MARCHF10: variants seen among roughly 807,000 people sequenced by gnomAD.
The protein encoded by MARCHF10 is probable E3 ubiquitin-protein ligase MARCHF10.
MARCHF10 carries 64 observed loss-of-function variants against 76.2 expected under a neutral mutation model. That is an observed-to-expected ratio of 0.84 (90% CI 0.69 to 1.03). The LOEUF is 1.03. Ranked by LOEUF, MARCHF10 falls within the 50% of genes least tolerant of loss-of-function variation. MARCHF10 has a pLI of 0.00. For synonymous variants in MARCHF10, 340 were observed against 357.5 expected, an observed-to-expected ratio of 0.95 and a Z score of 0.55; for missense variants, 875 against 958.0, an observed-to-expected ratio of 0.91 and a Z score of 1.14.
rs1279169870 is a variant in MARCHF10, at chr17:62,788,419, A to ACAC, written c.210+58_210+60dup. On this transcript the variant is annotated intron_variant, in intron 3 of 10. Coordinates refer to ENST00000311269, the MANE Select transcript of MARCHF10 (RefSeq NM_152598.4). Reference sequence around the variant, plus strand: ...TTTTTCCTACATCACACACACACACACACCACCACCACCAGCAGCAGCAGC... The same window carrying ACAC: ...TTTTTCCTACATCACACACACACACACACCACCACCACCACCAGCAGCAGCAGC... The ACAC allele has an allele frequency of 9.5e-6, 15 of 1,578,980 alleles. No homozygotes were observed. The East Asian group carries it at 1.4e-4, about 14-fold the overall frequency.
chr17:62,793,198 A>ACCACCACCACCACCACCACCTCCACTG (rs2092903816), intron 2 of MARCHF10, among the ~76,000 whole-genome samples: 1 of 84,424 alleles, frequency 1.2e-5, no homozygotes, highest in Non-Finnish European at 2.7e-5. Context: ...CACCTCCATC[A>ACCACCACCACCACCACCACCTCCACTG]CCACCACCAC....
At chr17:62,726,006 C>T (rs1413094789) in intron 6 of MARCHF10, 1 of 152,210 alleles carries the variant, frequency 6.6e-6, no homozygotes, top group Non-Finnish European at 1.5e-5. Flanking sequence ...GCACAGAGTT[C>T]ACTTAATAGA....
intron 3 of MARCHF10, among the ~76,000 whole-genome samples, chr17:62,779,642 A>G (rs752167166): frequency 6.6e-6 from 1 of 152,228 alleles, no homozygotes; most frequent in Non-Finnish European, 1.5e-5. Context: ...TATGCAAAGC[A>G]TTGTGCTATG....
intron 5 of MARCHF10, among the ~76,000 whole-genome samples, chr17:62,743,827 C>A (rs748120220): frequency 6.6e-6 from 1 of 152,102 alleles, no homozygotes; most frequent in Non-Finnish European, 1.5e-5. Flanking sequence ...AGCATAGATT[C>A]GTTCCAATAT....
At chr17:62,764,515 C>T (rs375093585) in intron 3 of MARCHF10, among the ~76,000 whole-genome samples, 6 of 152,098 alleles carry the variant, frequency 3.9e-5, no homozygotes, top group East Asian at 3.9e-4. Context: ...AACTTGGTCT[C>T]GTGAGATTAT....
In MARCHF10 at chr17:62,736,363, T is replaced by C; in HGVS notation, c.1505A>G (p.Glu502Gly). The change falls in exon 6 of 11, where the codon GAG becomes GGG. Residue 502 changes from glutamate (E) to glycine (G), a missense_variant. By Grantham distance (98) the Glu-to-Gly change is moderately conservative (BLOSUM62 -2). Coordinates refer to ENST00000311269, the MANE Select transcript of MARCHF10 (RefSeq NM_152598.4). ...GCAAACATGAAACCCTGAGTTTCCC[T>C]CTGAGTCTGAGCTGTGAACTGAAGT... Reference protein sequence around the residue: ...SSTSVHSSDSEGNSGFHVCQP... With the variant: ...SSTSVHSSDSGGNSGFHVCQP... 2.5e-6 allele frequency: 4 copies of C among 1,614,222 alleles called. No individual in the cohort carries two copies. The highest frequency in any genetic ancestry group is 3.4e-6 in the Non-Finnish European group (4 of 1,180,048).
intron 4 of MARCHF10, among the ~76,000 whole-genome samples, chr17:62,751,445 G>A (rs939844687): frequency 2.0e-5 from 3 of 152,076 alleles, no homozygotes; most frequent in Non-Finnish European, 4.4e-5. Flanking sequence ...TTGCTCAAGA[G>A]CCCCAGGTGT....
chr17:62,760,488 G>T (rs952935160), intron 3 of MARCHF10, among the ~76,000 whole-genome samples: 2 of 152,164 alleles, frequency 1.3e-5, no homozygotes, highest in Admixed American at 1.3e-4. Context: ...CTGCGTTACT[G>T]GGTGCAACAC....
rs190944327 is a variant in MARCHF10 at position 62,789,045 on chromosome 17, G to T, written c.91-446C>A. Among the ~76,000 whole-genome samples the T allele has an allele frequency of 2.9e-3, 415 of 142,782 alleles. 1 individual carries two copies. Among genetic ancestry groups the T allele is most frequent in the Middle Eastern group, 0.016 (4 of 252 alleles). 93.7% of individuals were successfully genotyped at this position (142,782 alleles called of 152,430 possible). ...GCCACTGCAGTCCGCAGTCCGGCCT[G>T]GGCGACAGAGCGAGACTCCGTCTCA... On this transcript the variant is annotated intron_variant, in intron 2 of 10. Coordinates refer to ENST00000311269, the MANE Select transcript of MARCHF10 (RefSeq NM_152598.4).
intron 2 of MARCHF10, among the ~76,000 whole-genome samples, chr17:62,798,361 T>C (rs2093018481): frequency 6.6e-6 from 1 of 150,424 alleles, no homozygotes; most frequent in African/African-American, 2.5e-5. Flanking sequence ...TGGAGGCTCA[T>C]GCCTATAATC....
intron 8 of MARCHF10, among the ~76,000 whole-genome samples, chr17:62,717,432 G>T (rs1391426795): frequency 5.3e-5 from 8 of 152,270 alleles, no homozygotes; most frequent in Non-Finnish European, 1.2e-4. Context: ...GTGGAGCAAT[G>T]ACTGTGCTGG....
Position 62,711,154 on chromosome 17 carries a change from G to T in MARCHF10, c.2328+77C>A. On this transcript the variant is annotated intron_variant, in intron 9 of 10. Transcript: ENST00000311269. The surrounding 1 kb of genome is among the most constrained non-coding windows in gnomAD (Gnocchi z 4.4). The stretch of plus-strand genomic sequence containing the variant: ...CCAAGCGACCGTGAGGACCTCAACA[G>T]CTTGCACATCTAATAAACAGCACTG... 8.3e-7 allele frequency: 1 copy of T among 1,203,226 alleles called. No individual in the cohort carries two copies. The highest frequency in any genetic ancestry group is 1.2e-6 in the Non-Finnish European group (1 of 811,902). 74.5% of individuals were successfully genotyped at this position (1,203,226 alleles called of 1,614,324 possible).
chr17:62,757,413 C>T (rs769567867), intron 4 of MARCHF10, among the ~76,000 whole-genome samples: 6 of 152,190 alleles, frequency 3.9e-5, no homozygotes, highest in Non-Finnish European at 8.8e-5. Flanking sequence ...GGTACCAAAT[C>T]CTATTTTTCT....
intron 3 of MARCHF10, among the ~76,000 whole-genome samples, chr17:62,761,007 G>A (rs775773730): frequency 5.3e-5 from 8 of 152,182 alleles, no homozygotes; most frequent in East Asian, 3.8e-4. Flanking sequence ...CTTGCTCACC[G>A]TTCTCCCTGT....
intron 2 of MARCHF10, among the ~76,000 whole-genome samples, chr17:62,798,425 A>C (rs1441155931): frequency 1.1e-4 from 16 of 150,502 alleles, no homozygotes; most frequent in Admixed American, 1.1e-3. Flanking sequence ...GGAGTTCGAG[A>C]CCAGCCTGGG....
intron 6 of MARCHF10, among the ~76,000 whole-genome samples, chr17:62,732,985 T>A (rs1185919720): frequency 1.1e-5 from 1 of 89,576 alleles, no homozygotes; most frequent in South Asian, 3.6e-4. Flanking sequence ...AGAGCAAGAC[T>A]CAGTCTCAAA....
intron 2 of MARCHF10, among the ~76,000 whole-genome samples, 184 bp downstream of exon 2, chr17:62,801,459 GTTT>G (rs370268977): frequency 2.2e-5 from 3 of 137,112 alleles, no homozygotes; most frequent in Non-Finnish European, 4.8e-5. Flanking sequence ...AGCTATCCCC[GTTT>G]TTTTTTTTTT....
At chr17:62,737,475 TACAA>T in intron 5 of MARCHF10, 143 bp from the exon 6 acceptor site, 1 of 755,294 alleles carries the variant, frequency 1.3e-6, no homozygotes, top group Non-Finnish European at 2.2e-6. Context: ...TGGCTGGAGG[TACAA>T]GAGGAGCAGA....
intron 5 of MARCHF10, among the ~76,000 whole-genome samples, chr17:62,739,013 A>C (rs2091402608): frequency 6.6e-6 from 1 of 152,142 alleles, no homozygotes; most frequent in Non-Finnish European, 1.5e-5. Flanking sequence ...AAAATAGAAA[A>C]GGGGGCTGGG....
Sources: allele counts gnomAD v4.1 joint callset (sites outside exome capture counted in the v4.1 genomes callset), GRCh38; gene constraint gnomAD v4.1.1; non-coding constraint Gnocchi (gnomAD v3.1); transcripts MANE v1.5; gene names NCBI Gene and HGNC (gene_info 2026-07-23, HGNC 2026-07-21).